Variants in IFI44 observed in about 807,000 individuals in gnomAD.
IFI44 encodes the protein interferon-induced protein 44.
Under a neutral mutation model 45.0 loss-of-function variants are expected in IFI44, and 42 were observed. The ratio of observed to expected loss-of-function variants is 0.93; its 90% CI spans 0.73 to 1.21. The LOEUF (loss-of-function observed/expected upper bound fraction) is 1.21. Among genes scored for constraint, IFI44 ranks in the 50% most tolerant of loss-of-function variants. The pLI, the probability that IFI44 is intolerant of heterozygous loss-of-function variation, is 0.00. For synonymous variants in IFI44, 221 were observed against 188.6 expected (o/e 1.17, Z -1.41); for missense variants, 623 against 525.8 (o/e 1.18, Z -1.81).
rs926097411 is a variant in IFI44, at chr1:78,654,181, C to T, written c.458-62C>T. ...CCTAGTGAATTCACTGATATTCATT[C>T]ATTCATTCAGCCAATTATTCGACAA... On this transcript the variant is annotated intron_variant, in intron 2 of 8. Transcript: ENST00000370747. 5.8e-6 allele frequency: 5 copies of T among 868,334 alleles called. No homozygotes were observed. In the Admixed American group the frequency reaches 8.8e-5, roughly 15 times the overall value. The allele number at this position is 868,334 out of a possible 1,614,324, so 53.8% of individuals were successfully genotyped here. A position where few individuals can be genotyped will look rare whatever the true frequency, so the allele number is the denominator to read the frequency against.
intron 5 of IFI44, among the ~76,000 whole-genome samples, chr1:78,658,425 G>A (rs1647281030): frequency 1.3e-5 from 2 of 152,152 alleles, no homozygotes; most frequent in Admixed American, 1.3e-4. Flanking sequence ...ATGTATCCTT[G>A]GAGGGGTGTA....
chr1:78,654,048 C>A (rs1647165785), intron 2 of IFI44, among the ~76,000 whole-genome samples, 195 bp from the exon 3 acceptor site: 1 of 152,168 alleles, frequency 6.6e-6, no homozygotes, highest in African/African-American at 2.4e-5. Flanking sequence ...GCCCTAGCCT[C>A]TTCAAATGAG....
At chr1:78,663,603 C>CT (rs1647596319) in intron 8 of IFI44, 162 bp from the exon 9 acceptor site, 1 of 985,238 alleles carries the variant, frequency 1.0e-6, no homozygotes. Flanking sequence ...CTTTGTTGCT[C>CT]TAACTCTGCC....
chr1:78,656,714 T>A (rs1647218810), intron 5 of IFI44, among the ~76,000 whole-genome samples: 1 of 151,070 alleles, frequency 6.6e-6, no homozygotes, highest in Non-Finnish European at 1.5e-5. Flanking sequence ...TTGTTTAGAT[T>A]GAAATTATAT....
At chr1:78,661,669 A>G (rs1297289249) in intron 7 of IFI44, among the ~76,000 whole-genome samples, 1 of 152,164 alleles carries the variant, frequency 6.6e-6, no homozygotes, top group Non-Finnish European at 1.5e-5. Flanking sequence ...ATTATGTACG[A>G]TTGAGTGTGA....
At chr1:78,660,435 TG>T (rs1557705379) in intron 6 of IFI44, 118 bp from the exon 7 acceptor site, 1 of 705,170 alleles carries the variant, frequency 1.4e-6, no homozygotes, top group Non-Finnish European at 2.4e-6. Context: ...GACCGGGGTG[TG>T]GGGGATCTTT....
At position 78,650,625 on chromosome 1, in the gene IFI44, C is replaced by G. The variant is rs753147668; in HGVS notation, c.430C>G (p.Gln144Glu). The change falls in exon 2 of 9, where the codon CAG (glutamine) becomes GAG (glutamate). Residue 144 changes from glutamine (Q) to glutamate (E), a missense_variant. By Grantham distance (29) the Gln-to-Glu change is conservative (BLOSUM62 2). Transcript: ENST00000370747. ...GLAQNCTISIQDYEVFRCEDS... is the reference protein window; with the variant it reads ...GLAQNCTISIEDYEVFRCEDS... ...TGCTCAAAATTGTACTATCTCTATT[C>G]AGGATTATGAAGTTTTTCGATGCGA... 2 of 1,598,374 alleles carry G rather than the reference C, an allele frequency of 1.3e-6. No homozygotes were observed. Among genetic ancestry groups the G allele is most frequent in the East Asian group, 2.2e-5 (1 of 44,766 alleles).
intron 2 of IFI44, among the ~76,000 whole-genome samples, chr1:78,651,506 C>G (rs1647124557): frequency 6.6e-6 from 1 of 152,182 alleles, no homozygotes; most frequent in African/African-American, 2.4e-5. Flanking sequence ...CTTCACTCGC[C>G]TGCCTCTCAC....
At chr1:78,660,450 A>C in intron 6 of IFI44, 104 bp from the exon 7 acceptor site, 1 of 842,884 alleles carries the variant, frequency 1.2e-6, no homozygotes, top group Non-Finnish European at 1.9e-6. Flanking sequence ...GATCTTTCCA[A>C]ATCTGAAATT....
intron 5 of IFI44, among the ~76,000 whole-genome samples, chr1:78,655,898 A>G (rs763821168): frequency 5.3e-5 from 8 of 152,018 alleles, no homozygotes; most frequent in Middle Eastern, 3.2e-3. Context: ...GCCTCCCCCA[A>G]ATTTATATGT....
Position 78,661,579 on chromosome 1 carries a change from T to A in IFI44, c.1113+925T>A, listed in dbSNP as rs1336424909. ...CAGCTACACAGATCATGAAAAAAAT[T>A]CCCCCGCACTAAAAATTTTACAATT... On this transcript the variant is annotated intron_variant, in intron 7 of 8. Coordinates refer to ENST00000370747, the MANE Select transcript of IFI44 (RefSeq NM_006417.5). Among the ~76,000 whole-genome samples, 4 of 151,886 alleles carry A rather than the reference T, an allele frequency of 2.6e-5. No individual in the cohort carries two copies. The East Asian group carries it at 7.7e-4, about 29-fold the overall frequency.
At chr1:78,656,880 TA>T (rs1647222926) in intron 5 of IFI44, among the ~76,000 whole-genome samples, 1 of 151,608 alleles carries the variant, frequency 6.6e-6, no homozygotes, top group Admixed American at 6.6e-5. Context: ...TATTCTTTTT[TA>T]AATACAAACT....
chr1:78,661,981 A>T (rs1237862237), intron 7 of IFI44, among the ~76,000 whole-genome samples: 3 of 152,214 alleles, frequency 2.0e-5, no homozygotes, highest in African/African-American at 7.2e-5. Flanking sequence ...AATTTTATTT[A>T]ATTAGGAGCA....
In IFI44 at chr1:78,655,194, TG is replaced by T; in HGVS notation, c.678del (p.Ile227TyrfsTer29). 6.2e-7 allele frequency: 1 copy of T among 1,613,446 alleles called. No individual in the cohort carries two copies. The highest frequency in any genetic ancestry group is 1.1e-5 in the South Asian group (1 of 90,970). ...AGGCTTTGGTGGGCACTAATACAACTGGGATATCTGAGAAGGTAAGCACATT... is the reference window on the plus strand; with the variant it reads ...AGGCTTTGGTGGGCACTAATACAACTGGATATCTGAGAAGGTAAGCACATT... Reference protein sequence around the residue: ...HQALVGTNTTGISEKYRTYSI... With the variant: ...HQALVGTNTTXISEKYRTYSI... On this transcript the variant is annotated frameshift_variant, in exon 4 of 9. Transcript: ENST00000370747. LOFTEE classifies it high-confidence loss of function.
chr1:78,661,940 A>T (rs1647481067), intron 7 of IFI44, among the ~76,000 whole-genome samples: 1 of 152,212 alleles, frequency 6.6e-6, no homozygotes, highest in Non-Finnish European at 1.5e-5. Context: ...GTAGGCAGAG[A>T]TAAAATGGGC....
chr1:78,654,971 A>G (rs538630793), intron 3 of IFI44, 43 bp from the exon 4 acceptor site: 25 of 1,414,920 alleles, frequency 1.8e-5, no homozygotes, highest in Admixed American at 2.4e-5. Flanking sequence ...AGGTTTTGCG[A>G]CCTAACCTCA....
Position 78,650,637 on chromosome 1 carries a change from G to A in IFI44, c.442G>A (p.Val148Ile), listed in dbSNP as rs757511924. Residue 148 changes from valine (V) to isoleucine (I), a missense_variant, in exon 2 of 9, where the codon GTT becomes ATT. Transcript: ENST00000370747. ...NCTISIQDYE[V>I]FRCEDSLDER... is the part of the protein sequence containing the mutation. ...TACTATCTCTATTCAGGATTATGAAGTTTTTCGATGCGAAGGTAGGTTTAA... is the reference window on the plus strand; with the variant it reads ...TACTATCTCTATTCAGGATTATGAAATTTTTCGATGCGAAGGTAGGTTTAA... The A allele has an allele frequency of 1.3e-6, 2 of 1,583,642 alleles. No individual in the cohort carries two copies. The highest frequency in any genetic ancestry group is 3.7e-5 in the Admixed American group (2 of 54,730).
At chr1:78,661,718 A>G (rs546533083) in intron 7 of IFI44, among the ~76,000 whole-genome samples, 3 of 152,306 alleles carry the variant, frequency 2.0e-5, no homozygotes, top group African/African-American at 7.2e-5. Context: ...GTGCTTTAAA[A>G]GTTTAGAGAA....
intron 2 of IFI44, 110 bp downstream of exon 2, chr1:78,650,762 G>T (rs1647111848): frequency 4.3e-6 from 3 of 694,760 alleles, no homozygotes; most frequent in Non-Finnish European, 7.2e-6. Context: ...CAATAATTTG[G>T]ATGATTCAGA....
Sources: gnomAD v4.1 joint callset for allele counts (sites outside exome capture counted in the v4.1 genomes callset) on GRCh38, gnomAD v4.1.1 for gene constraint, MANE v1.5 for transcripts, NCBI Gene and HGNC (gene_info 2026-07-23, HGNC 2026-07-21) for gene names.